RASA3: variants seen among roughly 807,000 people sequenced by gnomAD.
The protein encoded by RASA3 is RAS p21 protein activator 3.
Under a neutral mutation model 110.0 loss-of-function variants are expected in RASA3, and 73 were observed. The ratio of observed to expected loss-of-function variants is 0.66; its 90% CI spans 0.55 to 0.81. The LOEUF is 0.81. Among genes scored for constraint, RASA3 ranks in the 30% least tolerant of loss-of-function variants. The pLI, the probability that RASA3 is intolerant of heterozygous loss-of-function variation, is 0.00. For missense variants in RASA3, 976 were observed against 1,113.2 expected (o/e 0.88, Z 1.75); for synonymous variants, 500 against 451.4 (o/e 1.11, Z -1.37).
chr13:114,082,799 A>G (rs572437130), intron 1 of RASA3, among the ~76,000 whole-genome samples: 1 of 152,330 alleles, frequency 6.6e-6, no homozygotes, highest in Non-Finnish European at 1.5e-5. Context: ...TCTCTAGGGG[A>G]AAAATGCATG....
intron 2 of RASA3, among the ~76,000 whole-genome samples, chr13:114,060,051 A>G (rs1156294503): frequency 1.3e-5 from 2 of 152,214 alleles, no homozygotes; most frequent in Non-Finnish European, 2.9e-5. Flanking sequence ...GCAGGAGGAC[A>G]AGGGAACGCA....
intron 3 of RASA3, among the ~76,000 whole-genome samples, chr13:114,045,320 G>C (rs2079034867): frequency 6.6e-6 from 1 of 152,244 alleles, no homozygotes; most frequent in Admixed American, 6.5e-5. Context: ...GGCAAAGGCG[G>C]CTGCCTTCTC....
intron 2 of RASA3, among the ~76,000 whole-genome samples, chr13:114,058,462 G>A (rs572120243): frequency 2.6e-5 from 4 of 152,364 alleles, no homozygotes; most frequent in East Asian, 1.9e-4. Context: ...CAGACCGGAC[G>A]GAAAACACAG....
intron 9 of RASA3, among the ~76,000 whole-genome samples, chr13:114,019,910 T>C (rs57703822): frequency 6.5e-5 from 2 of 30,600 alleles, no homozygotes; most frequent in African/African-American, 2.7e-4. Flanking sequence ...TTAGCAGCCC[T>C]GTCAGGTGGG....
chr13:114,037,288 G>A (rs1280113478), intron 4 of RASA3, among the ~76,000 whole-genome samples: 1 of 152,222 alleles, frequency 6.6e-6, no homozygotes. Flanking sequence ...CCATCGGCAG[G>A]TGACTGGAGC....
intron 1 of RASA3, among the ~76,000 whole-genome samples, chr13:114,083,354 T>TTCACACCGATTTCAAGCCGACCA (rs2079811779): frequency 1.3e-5 from 2 of 152,342 alleles, no homozygotes; most frequent in East Asian, 3.9e-4. Flanking sequence ...ATTTCTGTGG[T>TTCACACCGATTTCAAGCCGACCA]GTGAACATTC....
intron 1 of RASA3, among the ~76,000 whole-genome samples, chr13:114,090,150 CTTGA>C (rs1260255730): frequency 2.0e-5 from 3 of 152,304 alleles, no homozygotes; most frequent in East Asian, 3.9e-4. Context: ...TTGGGATTCT[CTTGA>C]TTATTTACCA....
chr13:114,016,355 G>T, intron 12 of RASA3, 84 bp from the exon 13 acceptor site: 1 of 1,036,050 alleles, frequency 9.7e-7, no homozygotes, highest in Non-Finnish European at 1.5e-6. Context: ...AGGCCTGGCT[G>T]AGATGTAGAC....
intron 19 of RASA3, 115 bp downstream of exon 19, chr13:114,000,711 T>C: frequency 1.2e-6 from 1 of 808,228 alleles, no homozygotes; most frequent in East Asian, 2.5e-5. Flanking sequence ...GGCCCCGGGC[T>C]CTGCCCGCAG....
chr13:114,114,503 C>T lies in RASA3; in HGVS notation c.55+17932G>A, dbSNP rs1046452690. ...TGTCAGCCAAAGTGAGGTCTGACCA[C>T]AAAAGCTACCCATTCACTTGCTAAA... is the stretch of plus-strand genomic sequence containing the variant. On this transcript the variant is annotated intron_variant, in intron 1 of 23. Coordinates refer to ENST00000334062, the MANE Select transcript of RASA3 (RefSeq NM_007368.4). The surrounding 1 kb of genome is among the most constrained non-coding windows in gnomAD (Gnocchi z 4.8). Among the ~76,000 whole-genome samples, 3 of 152,210 alleles carry T rather than the reference C, an allele frequency of 2.0e-5. No individual in the cohort carries two copies. The highest frequency in any genetic ancestry group is 6.5e-5 in the Admixed American group (1 of 15,286).
intron 1 of RASA3, chr13:114,108,844 TC>T: frequency 6.6e-6 from 1 of 152,334 alleles, no homozygotes; most frequent in South Asian, 2.1e-4. Flanking sequence ...ACAAGGAAGA[TC>T]CAACTTAACA....
chr13:113,981,889 A>G, intron 22 of RASA3, 31 bp from the exon 23 acceptor site: 1 of 1,594,610 alleles, frequency 6.3e-7, no homozygotes, highest in Non-Finnish European at 8.6e-7. Context: ...AGCGCAGGGC[A>G]GGAGCCCAGG....
At chr13:114,017,593 G>A (rs1339904221) in intron 11 of RASA3, among the ~76,000 whole-genome samples, 1 of 152,256 alleles carries the variant, frequency 6.6e-6, no homozygotes, top group Non-Finnish European at 1.5e-5. Flanking sequence ...CACCAGCTCA[G>A]GAGGAGCCTG....
rs568435144 is a variant in RASA3 at position 114,054,882 on chromosome 13, C to A, written c.174-2727G>T. Among the ~76,000 whole-genome samples the A allele has an allele frequency of 2.6e-5, 4 of 152,366 alleles. No homozygotes were observed. In the East Asian group the frequency reaches 5.8e-4, roughly 22 times the overall value. The stretch of plus-strand genomic sequence containing the variant: ...CAGCGAGCCATCCTCTGATCTCCTG[C>A]GTCTGCGTGGGCACCGCCGAGATCT... On this transcript the variant is annotated intron_variant, in intron 2 of 23. Transcript: ENST00000334062.
intron 17 of RASA3, 111 bp downstream of exon 17, chr13:114,009,275 TA>T (rs2053580508): frequency 6.6e-6 from 6 of 906,290 alleles, no homozygotes; most frequent in Non-Finnish European, 5.3e-6. Flanking sequence ...CTTTATTGTT[TA>T]AAATCGCTAA....
chr13:113,996,665 G>T lies in RASA3; in HGVS notation c.2007C>A (p.Ile669=), dbSNP rs377432039. The T allele has an allele frequency of 6.2e-7, 1 of 1,613,818 alleles. No individual in the cohort carries two copies. The part of the protein sequence containing the change: ...ANNCVEAKDW[I]DILTKVSQCN... Reference sequence around the variant, plus strand: ...ACTGGCTCACTTTGGTGAGAATGTCGATCCAGTCCTTGGCCTCCACGCAGT... The same window carrying T: ...ACTGGCTCACTTTGGTGAGAATGTCTATCCAGTCCTTGGCCTCCACGCAGT... The change falls in exon 21 of 24, where the codon ATC becomes ATA. Residue 669 remains isoleucine (I), a synonymous_variant. Transcript: ENST00000334062.
intron 8 of RASA3, among the ~76,000 whole-genome samples, chr13:114,023,324 C>A (rs1467986214): frequency 6.6e-6 from 1 of 151,954 alleles, no homozygotes. Flanking sequence ...AGGGAACATC[C>A]CAGGCTCGGG....
intron 2 of RASA3, among the ~76,000 whole-genome samples, chr13:114,060,906 C>T (rs935002792): frequency 4.6e-5 from 7 of 152,004 alleles, no homozygotes; most frequent in Non-Finnish European, 7.4e-5. Context: ...GAGACGGGGC[C>T]TCCAAAGCCG....
intron 1 of RASA3, among the ~76,000 whole-genome samples, chr13:114,123,199 G>A (rs2080402687): frequency 6.6e-6 from 1 of 152,234 alleles, no homozygotes; most frequent in Non-Finnish European, 1.5e-5. Flanking sequence ...CCCAGCAGGG[G>A]CCATGGGCTG....
Sources: gnomAD v4.1 joint callset for allele counts (sites outside exome capture counted in the v4.1 genomes callset) on GRCh38, gnomAD v4.1.1 for gene constraint, Gnocchi (gnomAD v3.1) non-coding constraint, MANE v1.5 for transcripts, NCBI Gene and HGNC (gene_info 2026-07-23, HGNC 2026-07-21) for gene names.